The following NSL1 variants were observed in gnomAD, a reference collection of about 807,000 sequenced individuals.
NSL1 encodes NSL1 component of MIS12 kinetochore complex.
A neutral mutation model predicts 25.4 loss-of-function variants in NSL1; 11 were observed. That is an observed-to-expected ratio of 0.43 (90% CI 0.27 to 0.72). The LOEUF is 0.72. NSL1 is among the 30% of genes least tolerant of loss of function. The pLI, the probability that NSL1 is intolerant of heterozygous loss-of-function variation, is 0.19. For synonymous variants in NSL1, 118 were observed against 120.6 expected, an observed-to-expected ratio of 0.98 and a Z score of 0.14; for missense variants, 330 against 342.7, an observed-to-expected ratio of 0.96 and a Z score of 0.29.
rs900360147 is a variant in NSL1, at chr1:212,730,977, T to TG, written c.*7430dup. 1.0e-6 allele frequency: 1 copy of TG among 985,286 alleles called. No homozygotes were observed. The highest frequency in any genetic ancestry group is 1.2e-6 in the Non-Finnish European group (1 of 829,910). 61.0% of individuals were successfully genotyped at this position (985,286 alleles called of 1,614,324 possible). On this transcript the variant is annotated 3_prime_UTR_variant, in exon 6 of 6. Coordinates refer to ENST00000366977, the MANE Select transcript of NSL1 (RefSeq NM_015471.4). ...TCAACGAATATTAGTTTACAGCCCA[T>TG]GGGCAAAGTATGAGCAATGTAGAGA...
chr1:212,784,455 T>G lies in NSL1; in HGVS notation c.352A>C (p.Ile118Leu), dbSNP rs780557756. Residue 118 changes from isoleucine to leucine, a missense_variant, in exon 3 of 6, where the codon ATC (isoleucine) becomes CTC (leucine). By Grantham distance (5) the Ile-to-Leu change is conservative. Coordinates refer to ENST00000366977, the MANE Select transcript of NSL1 (RefSeq NM_015471.4). ...CGTTTTGTGGCTATATCTACTATGA[T>G]TTCATCAAACTGATCTTCAAGTACT... is the stretch of plus-strand genomic sequence containing the variant. ...IKVLEDQFDE[I>L]IVDIATKRKQ... The G allele has an allele frequency of 6.3e-7, 1 of 1,585,692 alleles. No homozygotes were observed. Among genetic ancestry groups the G allele is most frequent in the Non-Finnish European group, 8.6e-7 (1 of 1,159,478 alleles).
chr1:212,788,021 T>G (rs1661016587), intron 1 of NSL1, among the ~76,000 whole-genome samples: 1 of 152,230 alleles, frequency 6.6e-6, no homozygotes, highest in African/African-American at 2.4e-5. Context: ...AAAACATACA[T>G]GCTTAAAAAT....
chr1:212,778,661 G>A (rs533880800), intron 4 of NSL1, among the ~76,000 whole-genome samples: 209 of 151,174 alleles, frequency 1.4e-3, no homozygotes, highest in African/African-American at 3.9e-3. Context: ...TCGGCCTCCC[G>A]AGGTGCCGGG....
At chr1:212,784,612 T>C in intron 2 of NSL1, 119 bp from the exon 3 acceptor site, 1 of 562,902 alleles carries the variant, frequency 1.8e-6, no homozygotes, top group East Asian at 3.1e-5. Flanking sequence ...GGAAAACAAA[T>C]ATGGCAAGTT....
At chr1:212,763,323 T>C (rs955365676) in intron 4 of NSL1, among the ~76,000 whole-genome samples, 131 of 152,126 alleles carry the variant, frequency 8.6e-4, no homozygotes, top group African/African-American at 3.0e-3. Flanking sequence ...TGCACCTATA[T>C]AGAACCTCCT....
chr1:212,729,773 T>TA lies in NSL1; in HGVS notation c.*8634dup. Reference sequence around the variant, plus strand: ...CTCTTCTGGTGGAGATGCTCGGCTATAAAACGGCTCAAAAGAACAGCTAGA... The same window carrying TA: ...CTCTTCTGGTGGAGATGCTCGGCTATAAAAACGGCTCAAAAGAACAGCTAGA... On this transcript the variant is annotated 3_prime_UTR_variant, in exon 6 of 6. Coordinates refer to ENST00000366977, the MANE Select transcript of NSL1 (RefSeq NM_015471.4). 8.1e-6 allele frequency: 8 copies of TA among 985,376 alleles called. No individual in the cohort carries two copies. The highest frequency in any genetic ancestry group is 9.6e-6 in the Non-Finnish European group (8 of 829,920). The allele number at this position is 985,376 out of a possible 1,614,324, so 61.0% of individuals were successfully genotyped here. A position where few individuals can be genotyped will look rare whatever the true frequency, so the allele number is the denominator to read the frequency against.
Position 212,731,399 on chromosome 1 carries a change from T to C in NSL1, c.*7009A>G. The stretch of plus-strand genomic sequence containing the variant: ...GGCGAGACCCCATCTCTAAAACAAA[T>C]AAACTAGCCGGGCATGGTGGCACAC... On this transcript the variant is annotated 3_prime_UTR_variant, in exon 6 of 6. Transcript: ENST00000366977. 1.0e-6 allele frequency: 1 copy of C among 984,774 alleles called. No homozygotes were observed. The highest frequency in any genetic ancestry group is 1.2e-6 in the Non-Finnish European group (1 of 829,478). 61.0% of individuals were successfully genotyped at this position (984,774 alleles called of 1,614,324 possible).
chr1:212,773,736 C>G (rs1377433274), intron 4 of NSL1, among the ~76,000 whole-genome samples: 1 of 152,122 alleles, frequency 6.6e-6, no homozygotes, highest in South Asian at 2.1e-4. Context: ...ATATCCACAT[C>G]CCCATTTTTA....
In NSL1 at chr1:212,732,026, CA is replaced by C; in HGVS notation, c.*6381del. The C allele has an allele frequency of 1.1e-6, 1 of 932,074 alleles. No individual in the cohort carries two copies. The highest frequency in any genetic ancestry group is 1.2e-6 in the Non-Finnish European group (1 of 801,232). 57.7% of individuals were successfully genotyped at this position (932,074 alleles called of 1,614,324 possible). A position where few individuals can be genotyped will look rare whatever the true frequency, so the allele number is the denominator to read the frequency against. Reference sequence around the variant, plus strand: ...CTTTAGCCTCCCAGTGTAACTGTCCCAATTTTTTTTTTTTTTTTTTACTGAA... The same window carrying C: ...CTTTAGCCTCCCAGTGTAACTGTCCCATTTTTTTTTTTTTTTTTTACTGAA... On this transcript the variant is annotated 3_prime_UTR_variant, in exon 6 of 6. Transcript: ENST00000366977.
chr1:212,761,971 TAAAAAAAAAA>T (rs34216305), intron 4 of NSL1, among the ~76,000 whole-genome samples: 1 of 105,694 alleles, frequency 9.5e-6, no homozygotes, highest in Non-Finnish European at 1.9e-5. Flanking sequence ...GCTGATGAGC[TAAAAAAAAAA>T]AAAAAAAAAA....
rs1657802046 is a variant in NSL1, at chr1:212,726,647, G to A, written c.*11761C>T. 6.5e-6 allele frequency: 1 copy of A among 153,468 alleles called. No homozygotes were observed. The highest frequency in any genetic ancestry group is 1.4e-5 in the Non-Finnish European group (1 of 68,994). 9.5% of individuals were successfully genotyped at this position (153,468 alleles called of 1,614,324 possible). A position where few individuals can be genotyped will look rare whatever the true frequency, so the allele number is the denominator to read the frequency against. ...GGCTTGTGTCCCCCACCGACCACCT[G>A]GCTCATCTCAGCTCCCAGCGGCACT... On this transcript the variant is annotated 3_prime_UTR_variant, in exon 6 of 6. Transcript: ENST00000366977.
At position 212,731,097 on chromosome 1, in the gene NSL1, A is replaced by ACC; in HGVS notation, c.*7309_*7310dup. ...ATCCTTTCATATAAAATCCCCAAGAACCCCCTTCAGTGGTTCTCTAGAGAG... is the reference window on the plus strand; with the variant it reads ...ATCCTTTCATATAAAATCCCCAAGAACCCCCCCTTCAGTGGTTCTCTAGAGAG... On this transcript the variant is annotated 3_prime_UTR_variant, in exon 6 of 6. Transcript: ENST00000366977. 1 of 984,338 alleles carries ACC rather than the reference A, an allele frequency of 1.0e-6. No individual in the cohort carries two copies. The highest frequency in any genetic ancestry group is 1.1e-4 in the East Asian group (1 of 8,794). The allele number at this position is 984,338 out of a possible 1,614,324, so 61.0% of individuals were successfully genotyped here. A position where few individuals can be genotyped will look rare whatever the true frequency, so the allele number is the denominator to read the frequency against.
intron 4 of NSL1, among the ~76,000 whole-genome samples, chr1:212,746,725 T>C (rs893308247): frequency 6.6e-6 from 1 of 152,184 alleles, no homozygotes; most frequent in Admixed American, 6.5e-5. Flanking sequence ...CTTAGATGAG[T>C]TGCACAACTT....
chr1:212,744,648 T>TTAG (rs771718879), intron 4 of NSL1, among the ~76,000 whole-genome samples: 1 of 152,184 alleles, frequency 6.6e-6, no homozygotes, highest in Non-Finnish European at 1.5e-5. Flanking sequence ...GAACAGAGAA[T>TTAG]ACCAATGGCA....
intron 4 of NSL1, among the ~76,000 whole-genome samples, chr1:212,746,942 C>T (rs372305394): frequency 6.6e-6 from 1 of 152,226 alleles, no homozygotes; most frequent in Non-Finnish European, 1.5e-5. Context: ...GCCAGAAGTT[C>T]GAGACCAGCC....
At position 212,738,516 on chromosome 1, in the gene NSL1, A is replaced by C. The variant is rs1658340317; in HGVS notation, c.738T>G (p.Thr246=). The stretch of plus-strand genomic sequence containing the variant: ...CCATGTCAGAGGTTTTCCTGGAAGC[A>C]GTCTCTGTTGGTGTGGTTTCTATCT... ...ITQIETTPTE[T]ASRKTSDMVL... The change falls in exon 6 of 6, where the codon ACT becomes ACG. Residue 246 remains threonine (T), a synonymous_variant. Coordinates refer to ENST00000366977, the MANE Select transcript of NSL1 (RefSeq NM_015471.4). 1.2e-6 allele frequency: 2 copies of C among 1,614,026 alleles called. No homozygotes were observed. The highest frequency in any genetic ancestry group is 1.7e-6 in the Non-Finnish European group (2 of 1,180,024).
At chr1:212,762,638 T>TGTA (rs1466669251) in intron 4 of NSL1, among the ~76,000 whole-genome samples, 1 of 151,802 alleles carries the variant, frequency 6.6e-6, no homozygotes, top group East Asian at 1.9e-4. Flanking sequence ...GTTCCCAGAG[T>TGTA]GTAAGCAGGG....
intron 4 of NSL1, among the ~76,000 whole-genome samples, chr1:212,755,537 GA>G (rs1264933528): frequency 6.6e-6 from 1 of 151,456 alleles, no homozygotes; most frequent in Non-Finnish European, 1.5e-5. Context: ...CATGTTGAGT[GA>G]AAAAAGAAAA....
At chr1:212,784,176 A>G in intron 3 of NSL1, 187 bp downstream of exon 3, 3 of 365,274 alleles carry the variant, frequency 8.2e-6, no homozygotes, top group Non-Finnish European at 9.9e-6. Context: ...AAAACACAGT[A>G]TAGTATGACT....
Sources: allele counts gnomAD v4.1 joint callset (sites outside exome capture counted in the v4.1 genomes callset), GRCh38; gene constraint gnomAD v4.1.1; transcripts MANE v1.5; gene names NCBI Gene and HGNC (gene_info 2026-07-23, HGNC 2026-07-21).